Variants in GMEB1 observed in about 807,000 individuals in gnomAD.
GMEB1 encodes the protein glucocorticoid modulatory element-binding protein 1.
In GMEB1, 6 loss-of-function variants were observed where a neutral mutation model predicts 52.4. The ratio of observed to expected loss-of-function variants is 0.11; its 90% CI spans 0.06 to 0.23. The LOEUF is 0.23. Ranked by LOEUF, GMEB1 falls within the 10% of genes least tolerant of loss-of-function variation. The pLI is 1.00. For missense variants in GMEB1, 486 were observed against 685.6 expected, an observed-to-expected ratio of 0.71 and a Z score of 3.25; for synonymous variants, 255 against 244.9, an observed-to-expected ratio of 1.04 and a Z score of -0.38.
At chr1:28,705,301 C>T (rs925234027) in intron 8 of GMEB1, among the ~76,000 whole-genome samples, 7 of 150,930 alleles carry the variant, frequency 4.6e-5, no homozygotes, top group South Asian at 2.1e-4. Context: ...GGTTGTGGCA[C>T]GAGAATTGCT....
chr1:28,712,881 G>A (rs954805682), intron 9 of GMEB1, among the ~76,000 whole-genome samples: 2 of 145,228 alleles, frequency 1.4e-5, no homozygotes, highest in East Asian at 2.1e-4. Flanking sequence ...GGCCGGGCAT[G>A]GTGGCTCACG....
At chr1:28,702,046 T>C (rs1335701190) in intron 6 of GMEB1, among the ~76,000 whole-genome samples, 1 of 152,106 alleles carries the variant, frequency 6.6e-6, no homozygotes, top group Non-Finnish European at 1.5e-5. Context: ...ACTATACCTT[T>C]CTCTTAAATT....
chr1:28,688,776 C>T (rs1055286482), intron 2 of GMEB1, among the ~76,000 whole-genome samples: 4 of 151,776 alleles, frequency 2.6e-5, no homozygotes, highest in African/African-American at 9.7e-5. Context: ...TTTTAGTCAG[C>T]GTGGTTCTTC....
At position 28,683,594 on chromosome 1, in the gene GMEB1, A is replaced by C. The variant is rs773557591; in HGVS notation, c.-19A>C. ...CTTGTTCCCGACAGCAGTCCCAGCT[A>C]TCTGACTTCATGTGAAAGATGGCTA... On this transcript the variant is annotated 5_prime_UTR_variant, in exon 2 of 10. Transcript: ENST00000373816. The C allele has an allele frequency of 2.5e-6, 4 of 1,590,034 alleles. No individual in the cohort carries two copies. Among genetic ancestry groups the C allele is most frequent in the African/African-American group, 1.4e-5 (1 of 73,446 alleles).
At chr1:28,690,714 C>T (rs770590182) in intron 3 of GMEB1, among the ~76,000 whole-genome samples, 25 of 152,332 alleles carry the variant, frequency 1.6e-4, no homozygotes, top group Non-Finnish European at 2.8e-4. Context: ...AGCGCAGTGG[C>T]TCACGCCTGT....
intron 9 of GMEB1, among the ~76,000 whole-genome samples, chr1:28,711,352 C>T (rs978476584): frequency 2.7e-5 from 4 of 150,726 alleles, no homozygotes; most frequent in African/African-American, 9.7e-5. Flanking sequence ...GAAATACAGG[C>T]TTTTGGTCCC....
intron 1 of GMEB1, among the ~76,000 whole-genome samples, chr1:28,676,132 TC>T (rs1371367872): frequency 6.6e-6 from 1 of 152,164 alleles, no homozygotes; most frequent in Admixed American, 6.6e-5. Context: ...AAATGTGAGT[TC>T]CTATTGAGGA....
At chr1:28,687,405 A>G (rs1438119004) in intron 2 of GMEB1, among the ~76,000 whole-genome samples, 2 of 143,756 alleles carry the variant, frequency 1.4e-5, no homozygotes, top group Non-Finnish European at 3.1e-5. Flanking sequence ...GACAGTGGAG[A>G]ATAATGTTCT....
chr1:28,714,784 C>G lies in GMEB1; in HGVS notation c.*11C>G. ...GTCTTAGAGGATTAACTGGGGATCTCAGGGCCAGGAGTTATGTTTTGATTT... is the reference window on the plus strand; with the variant it reads ...GTCTTAGAGGATTAACTGGGGATCTGAGGGCCAGGAGTTATGTTTTGATTT... On this transcript the variant is annotated 3_prime_UTR_variant, in exon 10 of 10. Coordinates refer to ENST00000373816, the MANE Select transcript of GMEB1 (RefSeq NM_001319674.2). 6.5e-7 allele frequency: 1 copy of G among 1,548,216 alleles called. No individual in the cohort carries two copies. The highest frequency in any genetic ancestry group is 1.7e-5 in the Admixed American group (1 of 58,808).
intron 2 of GMEB1, among the ~76,000 whole-genome samples, chr1:28,688,419 A>G (rs1669794394): frequency 6.6e-6 from 1 of 152,200 alleles, no homozygotes; most frequent in Admixed American, 6.5e-5. Flanking sequence ...ATATTCAGGC[A>G]GTGCTTTCAA....
At chr1:28,687,415 T>C in intron 2 of GMEB1, among the ~76,000 whole-genome samples, 1 of 125,722 alleles carries the variant, frequency 8.0e-6, no homozygotes, top group Non-Finnish European at 1.6e-5. Flanking sequence ...AATAATGTTC[T>C]GGGAAGTGGC....
intron 1 of GMEB1, among the ~76,000 whole-genome samples, chr1:28,679,480 T>G (rs1296825861): frequency 6.6e-6 from 1 of 152,044 alleles, no homozygotes; most frequent in Non-Finnish European, 1.5e-5. Flanking sequence ...GCCTGGCCCC[T>G]TTCTAGTTTT....
chr1:28,691,592 C>A lies in GMEB1; in HGVS notation c.219C>A (p.Gly73=). 2.6e-6 allele frequency: 4 copies of A among 1,544,230 alleles called. No individual in the cohort carries two copies. Among genetic ancestry groups the A allele is most frequent in the South Asian group, 1.2e-5 (1 of 82,434 alleles). Residue 73 remains glycine, a synonymous_variant, in exon 4 of 10, where the codon GGC becomes GGA. Coordinates refer to ENST00000373816, the MANE Select transcript of GMEB1 (RefSeq NM_001319674.2). ...TATTTTTTCTGTTTTCAGATACAGG[C>A]ACTATAGAAGCAAATGAGGATATGG... ...IHKIEEGIDT[G]TIEANEDMEI...
In GMEB1 at chr1:28,717,779, C is replaced by A. The variant is rs2124610540; in HGVS notation, c.*3006C>A. On this transcript the variant is annotated 3_prime_UTR_variant, in exon 10 of 10. Coordinates refer to ENST00000373816, the MANE Select transcript of GMEB1 (RefSeq NM_001319674.2). Reference sequence around the variant, plus strand: ...TATTGTGGTTTTTAGGGACACTTTTCTCTTTCCCAGAGATGAGAGGACCAA... The same window carrying A: ...TATTGTGGTTTTTAGGGACACTTTTATCTTTCCCAGAGATGAGAGGACCAA... 1 of 152,290 alleles carries A rather than the reference C, an allele frequency of 6.6e-6. No individual in the cohort carries two copies. Among genetic ancestry groups the A allele is most frequent in the South Asian group, 2.1e-4 (1 of 4,822 alleles). The allele number at this position is 152,290 out of a possible 1,614,324, so 9.4% of individuals were successfully genotyped here.
In GMEB1 at chr1:28,697,012, C is replaced by T. The variant is rs1228735629; in HGVS notation, c.526C>T (p.Leu176=). 1 of 1,611,608 alleles carries T rather than the reference C, an allele frequency of 6.2e-7. No individual in the cohort carries two copies. The highest frequency in any genetic ancestry group is 1.3e-5 in the African/African-American group (1 of 74,640). ...CTGCAGAAGCACCAAATTTGATCTT[C>T]TGATCAGCAGTGCAAGAGCTCCAGT... is the stretch of plus-strand genomic sequence containing the variant. ...NTCRSTKFDL[L]ISSARAPVPG... The change falls in exon 6 of 10, where the codon CTG becomes TTG. Residue 176 remains leucine, a synonymous_variant. Coordinates refer to ENST00000373816, the MANE Select transcript of GMEB1 (RefSeq NM_001319674.2).
At chr1:28,697,195 ATATATG>A (rs1394762698) in intron 6 of GMEB1, 111 bp downstream of exon 6, 7 of 155,110 alleles carry the variant, frequency 4.5e-5, no homozygotes, top group Non-Finnish European at 9.0e-5. Flanking sequence ...ATATATATAT[ATATATG>A]TATTTTTTTA....
chr1:28,687,374 ACACACAC>A lies in GMEB1; in HGVS notation c.129-2729_129-2723del, dbSNP rs1557504214. Reference sequence around the variant, plus strand: ...CACACACACACACACACACACACACACACACACACACACAAAAAAAGACAGTGGAGAA... The same window carrying A: ...CACACACACACACACACACACACACAACACACAAAAAAAGACAGTGGAGAA... On this transcript the variant is annotated intron_variant, in intron 2 of 9. Coordinates refer to ENST00000373816, the MANE Select transcript of GMEB1 (RefSeq NM_001319674.2). 1.8e-4 allele frequency among the ~76,000 whole-genome samples: 21 copies of A among 118,132 alleles called. 1 individual carries two copies. The highest frequency in any genetic ancestry group is 4.4e-4 in the African/African-American group (13 of 29,318). The allele number at this position is 118,132 out of a possible 152,430, so 77.5% of individuals were successfully genotyped here. A position where few individuals can be genotyped will look rare whatever the true frequency, so the allele number is the denominator to read the frequency against.
At chr1:28,668,890 G>C (rs1406083491) in intron 1 of GMEB1, 51 bp downstream of exon 1, 1 of 144,604 alleles carries the variant, frequency 6.9e-6, no homozygotes. Flanking sequence ...GTGGGGGCGG[G>C]GGGGCGGGCG....
At chr1:28,711,523 G>T (rs931923861) in intron 9 of GMEB1, among the ~76,000 whole-genome samples, 1 of 151,932 alleles carries the variant, frequency 6.6e-6, no homozygotes, top group African/African-American at 2.4e-5. Context: ...GCACAATCAC[G>T]GCTCACTGCA....
Sources: allele counts gnomAD v4.1 joint callset (sites outside exome capture counted in the v4.1 genomes callset), GRCh38; gene constraint gnomAD v4.1.1; transcripts MANE v1.5; gene names NCBI Gene and HGNC (gene_info 2026-07-23, HGNC 2026-07-21).